Variants in PCDHGA4 observed in about 807,000 individuals in gnomAD.
The protein encoded by PCDHGA4 is protocadherin gamma-A4.
Under a neutral mutation model 54.6 loss-of-function variants are expected in PCDHGA4, and 38 were observed. The ratio of observed to expected loss-of-function variants is 0.70; its 90% confidence interval spans 0.54 to 0.91. The LOEUF is 0.91. Ranked by LOEUF, PCDHGA4 falls within the 40% of genes least tolerant of loss-of-function variation. The pLI is 0.00. For synonymous variants in PCDHGA4, 511 were observed against 512.9 expected (o/e 1.00, Z 0.05); for missense variants, 1,298 against 1,220.9 (o/e 1.06, Z -0.94).
chr5:141,404,261 C>G, intron 1 of PCDHGA4: 1 of 1,613,950 alleles, frequency 6.2e-7, no homozygotes. Flanking sequence ...CACAGAAATT[C>G]ACATCACCCT....
intron 1 of PCDHGA4, among the ~76,000 whole-genome samples, chr5:141,362,788 C>T (rs1395369967): frequency 6.6e-6 from 1 of 152,198 alleles, no homozygotes; most frequent in East Asian, 1.9e-4. Flanking sequence ...ATTTCTTTTT[C>T]TTCCTCATCT....
intron 1 of PCDHGA4, chr5:141,395,099 C>T: frequency 6.2e-7 from 1 of 1,614,228 alleles, no homozygotes; most frequent in Non-Finnish European, 8.5e-7. Flanking sequence ...TCACCGCCGA[C>T]TCGCGGAAGA....
chr5:141,372,138 G>A, intron 1 of PCDHGA4: 1 of 1,613,746 alleles, frequency 6.2e-7, no homozygotes, highest in Non-Finnish European at 8.5e-7. Context: ...GCCGCGCTCT[G>A]CAGAGCCTGG....
rs145748099 is a variant in PCDHGA4, at chr5:141,365,734, T to A, written c.2514+8113T>A. ...CTGTCACAGAAAACAATCCCAGAGG[T>A]GTCTCTATCTTCTCTGTGACAGCCC... On this transcript the variant is annotated intron_variant, in intron 1 of 3. Coordinates refer to ENST00000571252, the MANE Select transcript of PCDHGA4 (RefSeq NM_018917.4). The A allele has an allele frequency of 1.9e-6, 3 of 1,613,550 alleles. No individual in the cohort carries two copies. The African/African-American group carries it at 4.0e-5, about 22-fold the overall frequency.
At chr5:141,357,705 A>G (rs758183715) in intron 1 of PCDHGA4, 84 bp downstream of exon 1, 18 of 1,494,178 alleles carry the variant, frequency 1.2e-5, no homozygotes, top group Non-Finnish European at 1.6e-5. Flanking sequence ...TATGTAATAT[A>G]TCAAATAAAG....
intron 1 of PCDHGA4, among the ~76,000 whole-genome samples, chr5:141,420,737 A>G (rs1156969170): frequency 1.3e-5 from 2 of 152,244 alleles, no homozygotes; most frequent in Non-Finnish European, 2.9e-5. Flanking sequence ...GTTAAAATCA[A>G]TTGGAACCAA....
At chr5:141,422,936 C>A (rs1428873210) in intron 1 of PCDHGA4, 2 of 1,614,260 alleles carry the variant, frequency 1.2e-6, no homozygotes, top group East Asian at 4.5e-5. Flanking sequence ...GCCCTCCCCA[C>A]AGACGGCTCC....
chr5:141,455,787 C>T (rs1259121501), intron 1 of PCDHGA4, among the ~76,000 whole-genome samples: 2 of 152,004 alleles, frequency 1.3e-5, no homozygotes, highest in Non-Finnish European at 2.9e-5. Flanking sequence ...GAAACTTTTC[C>T]GGAGATGCTT....
rs1193497090 is a variant in PCDHGA4 at position 141,485,890 on chromosome 5, C to T, written c.2515-8917C>T. On this transcript the variant is annotated intron_variant, in intron 1 of 3. Coordinates refer to ENST00000571252, the MANE Select transcript of PCDHGA4 (RefSeq NM_018917.4). This position sits in a 1 kb window ranked among gnomAD's most constrained non-coding sequence, Gnocchi z 5.7. ...CCGTGCTGGACGTAAACGACAACGC[C>T]CCAGCCTTCCAGCAATCCAGCTACA... The T allele has an allele frequency of 6.2e-6, 10 of 1,614,156 alleles. No homozygotes were observed. Among genetic ancestry groups the T allele is most frequent in the Non-Finnish European group, 6.8e-6 (8 of 1,180,022 alleles).
chr5:141,393,504 A>T, intron 1 of PCDHGA4: 1 of 1,614,036 alleles, frequency 6.2e-7, no homozygotes. Flanking sequence ...CATCCACGTG[A>T]CAGTGTTGGA....
Position 141,511,350 on chromosome 5 carries a change from C to G in PCDHGA4, c.*177C>G, listed in dbSNP as rs1303365585. 4.3e-6 allele frequency: 6 copies of G among 1,397,194 alleles called. No homozygotes were observed. Among genetic ancestry groups the G allele is most frequent in the East Asian group, 2.5e-5 (1 of 39,862 alleles). The allele number at this position is 1,397,194 out of a possible 1,614,324, so 86.5% of individuals were successfully genotyped here. On this transcript the variant is annotated 3_prime_UTR_variant, in exon 4 of 4. Transcript: ENST00000571252. ...CCCAGTCAGCACCTACCCCTTCCCC[C>G]CCAGGGGGTTGAATATGCAAAAGCA...
intron 1 of PCDHGA4, among the ~76,000 whole-genome samples, chr5:141,464,162 G>A (rs1030872607): frequency 6.6e-6 from 1 of 151,946 alleles, no homozygotes; most frequent in African/African-American, 2.4e-5. Context: ...CTACTTGGAA[G>A]GCTGAGGCAG....
Position 141,431,431 on chromosome 5 carries a change from C to T in PCDHGA4, c.2515-63376C>T, listed in dbSNP as rs776557037. ...ACGGGGGCGACCCGGTGCGCACAGG[C>T]ACCGCGCGCATCCGCGTGATGGTTC... is the stretch of plus-strand genomic sequence containing the variant. On this transcript the variant is annotated intron_variant, in intron 1 of 3. Transcript: ENST00000571252. This position sits in a 1 kb window ranked among gnomAD's most constrained non-coding sequence, Gnocchi z 4.8. 11 of 1,613,586 alleles carry T rather than the reference C, an allele frequency of 6.8e-6. No individual in the cohort carries two copies. The East Asian group carries it at 1.1e-4, about 16-fold the overall frequency.
At chr5:141,440,838 C>A (rs2098204954) in intron 1 of PCDHGA4, 1 of 152,102 alleles carries the variant, frequency 6.6e-6, no homozygotes, top group African/African-American at 2.4e-5. Context: ...TTGGTTGAAG[C>A]CAATGACAAC....
chr5:141,402,324 A>G (rs895598623), intron 1 of PCDHGA4, among the ~76,000 whole-genome samples: 2 of 152,012 alleles, frequency 1.3e-5, no homozygotes, highest in Admixed American at 1.3e-4. Context: ...TTTTACATTT[A>G]CAAATATATA....
Position 141,364,517 on chromosome 5 carries a change from G to A in PCDHGA4, c.2514+6896G>A, listed in dbSNP as rs1264187226. Reference sequence around the variant, plus strand: ...GGAGCCCCAGGAGCTGGCGGAGCGCGGAGTCCGCATCGTCTCCAGAGGTAG... The same window carrying A: ...GGAGCCCCAGGAGCTGGCGGAGCGCAGAGTCCGCATCGTCTCCAGAGGTAG... On this transcript the variant is annotated intron_variant, in intron 1 of 3. Transcript: ENST00000571252. 10 of 1,613,912 alleles carry A rather than the reference G, an allele frequency of 6.2e-6. No homozygotes were observed. Among genetic ancestry groups the A allele is most frequent in the Non-Finnish European group, 7.6e-6 (9 of 1,179,914 alleles).
rs894786663 is a variant in PCDHGA4 at position 141,371,734 on chromosome 5, A to G, written c.2514+14113A>G. The G allele has an allele frequency of 1.2e-6, 2 of 1,614,042 alleles. No individual in the cohort carries two copies. Among genetic ancestry groups the G allele is most frequent in the Non-Finnish European group, 1.7e-6 (2 of 1,179,892 alleles). ...ACTCTGCACATCCTTGATGTCAACG[A>G]CAACGTTCCCGTTTTCCACCAGGCC... On this transcript the variant is annotated intron_variant, in intron 1 of 3. Coordinates refer to ENST00000571252, the MANE Select transcript of PCDHGA4 (RefSeq NM_018917.4).
chr5:141,364,955 G>A (rs267600453), intron 1 of PCDHGA4: 10 of 1,613,790 alleles, frequency 6.2e-6, no homozygotes, highest in South Asian at 5.5e-5. Flanking sequence ...GACTGTTCAC[G>A]ACCTCCTCCT....
At position 141,490,219 on chromosome 5, in the gene PCDHGA4, C is replaced by T. The variant is rs771985398; in HGVS notation, c.2515-4588C>T. 2.5e-5 allele frequency: 41 copies of T among 1,614,094 alleles called. No individual in the cohort carries two copies. The highest frequency in any genetic ancestry group is 3.3e-5 in the Non-Finnish European group (39 of 1,180,038). On this transcript the variant is annotated intron_variant, in intron 1 of 3. Coordinates refer to ENST00000571252, the MANE Select transcript of PCDHGA4 (RefSeq NM_018917.4). This position sits in a 1 kb window ranked among gnomAD's most constrained non-coding sequence, Gnocchi z 5.4. ...TCATGCAAGAGCCCGTGACCAGGGA[C>T]AGCCTGCCATGGAGGGCCACTGTGT... is the stretch of plus-strand genomic sequence containing the variant.
Sources: allele counts gnomAD v4.1 joint callset (sites outside exome capture counted in the v4.1 genomes callset), GRCh38; gene constraint gnomAD v4.1.1; non-coding constraint Gnocchi (gnomAD v3.1); transcripts MANE v1.5; gene names NCBI Gene and HGNC (gene_info 2026-07-23, HGNC 2026-07-21).